Variants in CSGALNACT1 observed in about 807,000 individuals in gnomAD.
CSGALNACT1 encodes beta4GalNAcT-1.
Under a neutral mutation model 51.0 loss-of-function variants are expected in CSGALNACT1, and 52 were observed. That is an observed-to-expected ratio of 1.02 (90% CI 0.82 to 1.29). The LOEUF (loss-of-function observed/expected upper bound fraction) is 1.29, where lower values mean the gene tolerates loss of function less well. CSGALNACT1 is among the 50% of genes most tolerant of loss of function. The pLI is 0.00. For synonymous variants in CSGALNACT1, 341 were observed against 254.4 expected (o/e 1.34, Z -3.24); for missense variants, 935 against 679.2 (o/e 1.38, Z -4.19).
intron 1 of CSGALNACT1, among the ~76,000 whole-genome samples, chr8:19,717,054 C>A (rs2062852270): frequency 6.6e-6 from 1 of 152,224 alleles, no homozygotes; most frequent in Non-Finnish European, 1.5e-5. Context: ...ATATTTAATT[C>A]ACAGGATTGC....
rs762951917 is a variant in CSGALNACT1 at position 19,628,222 on chromosome 8, A to G, written c.-543-26357T>C. 6.6e-5 allele frequency among the ~76,000 whole-genome samples: 10 copies of G among 152,280 alleles called. No individual in the cohort carries two copies. The East Asian group carries it at 1.9e-3, about 29-fold the overall frequency. ...ATTTACAAAGGAAAGAGGTTAATAG[A>G]CTCACAGTTCCACATGGCTGGGGAG... On this transcript the variant is annotated intron_variant, in intron 1 of 9. Coordinates refer to the CSGALNACT1 transcript ENST00000332246.
chr8:19,505,237 T>TGGGGCTGTTCTCTGC (rs2077083461), exon 4 of CSGALNACT1: 1 of 1,614,090 alleles, frequency 6.2e-7, no homozygotes, highest in Non-Finnish European at 8.5e-7. Flanking sequence ...GGACGGTGAT[T>TGGGGCTGTTCTCTGC]GGGGCTGTTC....
At chr8:19,607,006 T>A (rs1422523383), upstream of CSGALNACT1, among the ~76,000 whole-genome samples, 3 of 151,908 alleles carry the variant, frequency 2.0e-5, no homozygotes, top group Middle Eastern at 3.4e-3. Context: ...ATACAAAAAA[T>A]TAGCCGGGCA....
intron 6 of CSGALNACT1, among the ~76,000 whole-genome samples, chr8:19,438,287 T>G (rs1415482323): frequency 2.0e-5 from 3 of 152,332 alleles, no homozygotes; most frequent in Non-Finnish European, 2.9e-5. Context: ...TGGCTTCACT[T>G]TAGAATCATC....
At chr8:19,673,269 G>T (rs547136691) in intron 1 of CSGALNACT1, among the ~76,000 whole-genome samples, 21 of 152,210 alleles carry the variant, frequency 1.4e-4, no homozygotes, top group African/African-American at 4.6e-4. Flanking sequence ...TTGGTGCTAC[G>T]TAACTACTGC....
At chr8:19,679,969 A>G (rs1474988392) in intron 1 of CSGALNACT1, among the ~76,000 whole-genome samples, 1 of 152,222 alleles carries the variant, frequency 6.6e-6, no homozygotes, top group East Asian at 1.9e-4. Flanking sequence ...TTTACAGGTT[A>G]TAATGGACAA....
intron 1 of CSGALNACT1, among the ~76,000 whole-genome samples, chr8:19,700,555 T>C (rs1281048442): frequency 6.6e-6 from 1 of 152,202 alleles, no homozygotes; most frequent in Non-Finnish European, 1.5e-5. Flanking sequence ...AGGGAGGACT[T>C]AGTGCATGAT....
intron 1 of CSGALNACT1, among the ~76,000 whole-genome samples, chr8:19,677,952 C>T (rs993157332): frequency 1.3e-5 from 2 of 151,528 alleles, no homozygotes; most frequent in Non-Finnish European, 2.9e-5. Flanking sequence ...CCCAACTCTA[C>T]TGAAAAACAA....
At chr8:19,650,364 G>A (rs570503155) in intron 1 of CSGALNACT1, among the ~76,000 whole-genome samples, 180 of 152,252 alleles carry the variant, frequency 1.2e-3, no homozygotes, top group African/African-American at 3.5e-3. Context: ...TAAATACTAC[G>A]CTCTCAAATT....
Position 19,439,846 on chromosome 8 carries a change from G to A in CSGALNACT1, c.937C>T (p.Leu313Phe), listed in dbSNP as rs199776200. The stretch of plus-strand genomic sequence containing the variant: ...TGTACTCACTTGGAAGTGTTTTCAA[G>A]TATTCCTTTGACTTCATTTATTTCT... Residue 313 changes from leucine (L) to phenylalanine (F), a missense_variant, in exon 6 of 10, where the codon CTT (leucine) becomes TTT (phenylalanine). Physicochemically the swap from Leu to Phe is conservative, Grantham distance 22. Coordinates refer to ENST00000454498, the Ensembl canonical transcript of CSGALNACT1. The A allele has an allele frequency of 1.7e-5, 27 of 1,613,670 alleles. No homozygotes were observed. Among genetic ancestry groups the A allele is most frequent in the Non-Finnish European group, 1.7e-5 (20 of 1,179,684 alleles).
intron 4 of CSGALNACT1, among the ~76,000 whole-genome samples, chr8:19,478,303 A>G (rs1461641091): frequency 6.6e-6 from 1 of 150,606 alleles, no homozygotes; most frequent in Non-Finnish European, 1.5e-5. Context: ...AGTCCCAGCT[A>G]CTCGGGAGGC....
At chr8:19,674,383 G>A (rs1382483204) in intron 1 of CSGALNACT1, among the ~76,000 whole-genome samples, 1 of 152,186 alleles carries the variant, frequency 6.6e-6, no homozygotes, top group Admixed American at 6.5e-5. Context: ...TATCTCAGCA[G>A]AGATCAGAAG....
chr8:19,520,238 C>T (rs2958588), intron 3 of CSGALNACT1, among the ~76,000 whole-genome samples: 4 of 152,214 alleles, frequency 2.6e-5, no homozygotes, highest in Non-Finnish European at 5.9e-5. Flanking sequence ...CTCCATGAAG[C>T]TACATCAACC....
rs779035984 is a variant in CSGALNACT1, at chr8:19,482,056, C to G, written c.634+23145G>C. ...TCTTTCCATCAAATCGCTCATGACTCCGATTAAATACACACACAGCCCTAC... is the reference window on the plus strand; with the variant it reads ...TCTTTCCATCAAATCGCTCATGACTGCGATTAAATACACACACAGCCCTAC... On this transcript the variant is annotated intron_variant, in intron 4 of 9. Coordinates refer to ENST00000454498, the Ensembl canonical transcript of CSGALNACT1. Among the ~76,000 whole-genome samples the G allele has an allele frequency of 2.8e-4, 43 of 152,232 alleles. 1 individual carries two copies. The highest frequency in any genetic ancestry group is 2.8e-4 in the Non-Finnish European group (19 of 68,014).
intron 5 of CSGALNACT1, among the ~76,000 whole-genome samples, chr8:19,453,771 G>C (rs2063591750): frequency 6.6e-6 from 1 of 152,154 alleles, no homozygotes; most frequent in African/African-American, 2.4e-5. Context: ...AAGCAGCTGG[G>C]CGTCGTGTCA....
chr8:19,730,345 G>A (rs775455364), intron 1 of CSGALNACT1, among the ~76,000 whole-genome samples: 7 of 152,008 alleles, frequency 4.6e-5, no homozygotes, highest in African/African-American at 1.7e-4. Context: ...TTGAAAATGC[G>A]GCCACTAACA....
Position 19,630,157 on chromosome 8 carries a change from T to A in CSGALNACT1, c.-543-28292A>T, listed in dbSNP as rs984048348. ...ACAGTTGTGGGTAGCCACAGTTAGG[T>A]TGCCAGAGAAGATTAGCCATCCAAG... On this transcript the variant is annotated intron_variant, in intron 1 of 9. Transcript: ENST00000332246. 7.3e-5 allele frequency among the ~76,000 whole-genome samples: 11 copies of A among 150,494 alleles called. No homozygotes were observed. The South Asian group carries it at 2.1e-3, about 29-fold the overall frequency.
chr8:19,712,442 A>G (rs1245582669), intron 1 of CSGALNACT1, among the ~76,000 whole-genome samples: 1 of 152,174 alleles, frequency 6.6e-6, no homozygotes, highest in East Asian at 1.9e-4. Flanking sequence ...GGAACCAGGA[A>G]AAGAATATAA....
At chr8:19,442,402 G>A (rs1563416183) in intron 5 of CSGALNACT1, among the ~76,000 whole-genome samples, 1 of 152,054 alleles carries the variant, frequency 6.6e-6, no homozygotes, top group Non-Finnish European at 1.5e-5. Flanking sequence ...AAAAAATGAA[G>A]AGCTCATGTC....
Sources: gnomAD v4.1 joint callset for allele counts (sites outside exome capture counted in the v4.1 genomes callset) on GRCh38, gnomAD v4.1.1 for gene constraint, MANE v1.5 for transcripts, NCBI Gene and HGNC (gene_info 2026-07-23, HGNC 2026-07-21) for gene names.